The following FHOD1 variants were observed in gnomAD, a reference collection of about 807,000 sequenced individuals.
FHOD1 encodes formin homology 2 domain containing 1, also known as FH1/FH2 domain-containing protein 1.
In FHOD1, 89 loss-of-function variants were observed where a neutral mutation model predicts 111.6. The ratio of observed to expected loss-of-function variants is 0.80; its 90% CI spans 0.67 to 0.95. FHOD1 has a LOEUF of 0.95. Among genes scored for constraint, FHOD1 ranks in the 40% least tolerant of loss-of-function variants. The pLI, the probability that FHOD1 is intolerant of heterozygous loss-of-function variation, is 0.00. For missense variants in FHOD1, 1,446 were observed against 1,554.2 expected (o/e 0.93, Z 1.17); for synonymous variants, 618 against 639.0 (o/e 0.97, Z 0.50).
At position 67,229,945 on chromosome 16, in the gene FHOD1, G is replaced by C; in HGVS notation, c.3260C>G (p.Ser1087Cys). The change falls in exon 21 of 22, where the codon TCC (serine) becomes TGC (cysteine). Residue 1087 changes from serine (S) to cysteine (C), a missense_variant. Around this residue, in one of 3 missense-constraint regions of FHOD1, gnomAD observed 1,085 missense variants for 1,108.8 expected, o/e 0.98. Transcript: ENST00000258201. ...SSPIMPTVGPSTASPEEPPGS... is the reference protein window; with the variant it reads ...SSPIMPTVGPCTASPEEPPGS... ...TGGGGGTTCTTCTGGGGATGCAGTG[G>C]AGGGCCCCACTGTGGGCATGATTGG... 2 of 1,614,210 alleles carry C rather than the reference G, an allele frequency of 1.2e-6. No homozygotes were observed. Among genetic ancestry groups the C allele is most frequent in the Non-Finnish European group, 1.7e-6 (2 of 1,180,040 alleles).
At chr16:67,234,644 C>G in intron 11 of FHOD1, 172 bp from the exon 12 acceptor site, 2 of 578,174 alleles carry the variant, frequency 3.5e-6, no homozygotes, top group Non-Finnish European at 6.2e-6. Flanking sequence ...AGCCCCTCTT[C>G]AGTCCTCCAC....
intron 1 of FHOD1, among the ~76,000 whole-genome samples, chr16:67,241,034 T>G (rs937210030): frequency 2.0e-5 from 3 of 151,246 alleles, no homozygotes; most frequent in Non-Finnish European, 2.9e-5. Flanking sequence ...AACCCCTACC[T>G]CTGTTTAGCA....
At position 67,231,679 on chromosome 16, in the gene FHOD1, T is replaced by C; in HGVS notation, c.2343A>G (p.Leu781=). Residue 781 remains leucine (L), a synonymous_variant, in exon 15 of 22, where the codon CTA becomes CTG. Coordinates refer to ENST00000258201, the MANE Select transcript of FHOD1 (RefSeq NM_013241.3). This position sits in a 1 kb window ranked among gnomAD's most constrained non-coding sequence, Gnocchi z 4.3. ...LASIGGLAAR[L]QLWAFKLDYD... ...AGTCCAGCTTGAAGGCCCAGAGTTGTAGACGAGCAGCGAGGCCGCCAATGG... is the reference window on the plus strand; with the variant it reads ...AGTCCAGCTTGAAGGCCCAGAGTTGCAGACGAGCAGCGAGGCCGCCAATGG... The C allele has an allele frequency of 6.2e-7, 1 of 1,614,160 alleles. No individual in the cohort carries two copies. The highest frequency in any genetic ancestry group is 8.5e-7 in the Non-Finnish European group (1 of 1,180,036).
chr16:67,231,125 A>G lies in FHOD1; in HGVS notation c.2667+63T>C. 5.0e-6 allele frequency: 8 copies of G among 1,584,206 alleles called. No individual in the cohort carries two copies. In the South Asian group the frequency reaches 9.2e-5, roughly 18 times the overall value. The stretch of plus-strand genomic sequence containing the variant: ...CAAATGGGGAGAAGGGGGAGGAGCC[A>G]GGCCCAGGAAGCAGCGCTCCTCATG... On this transcript the variant is annotated intron_variant, in intron 17 of 21. Coordinates refer to ENST00000258201, the MANE Select transcript of FHOD1 (RefSeq NM_013241.3). The surrounding 1 kb of genome is among the most constrained non-coding windows in gnomAD (Gnocchi z 4.3).
At chr16:67,236,929 G>A (rs1366293603) in intron 10 of FHOD1, 37 bp downstream of exon 10, 1 of 1,444,104 alleles carries the variant, frequency 6.9e-7, no homozygotes, top group East Asian at 2.3e-5. Context: ...ATGCCTAGTA[G>A]ATCCACCCTT....
At chr16:67,246,413 G>A (rs1358723402) in intron 1 of FHOD1, among the ~76,000 whole-genome samples, 1 of 152,208 alleles carries the variant, frequency 6.6e-6, no homozygotes, top group Non-Finnish European at 1.5e-5. Flanking sequence ...CGGCGAGAGG[G>A]AGGGGAGAGG....
chr16:67,243,461 G>T (rs2034723506), intron 1 of FHOD1, among the ~76,000 whole-genome samples: 1 of 151,824 alleles, frequency 6.6e-6, no homozygotes, highest in Admixed American at 6.6e-5. Flanking sequence ...CAATCCTCTG[G>T]CCTTGGCTTC....
Position 67,230,145 on chromosome 16 carries a change from TC to T in FHOD1, c.3134del (p.Gly1045GlufsTer9), listed in dbSNP as rs1306054547. 1.2e-6 allele frequency: 2 copies of T among 1,614,128 alleles called. No individual in the cohort carries two copies. The highest frequency in any genetic ancestry group is 1.7e-6 in the Non-Finnish European group (2 of 1,180,008). On this transcript the variant is annotated frameshift_variant, in exon 20 of 22. Coordinates refer to ENST00000258201, the MANE Select transcript of FHOD1 (RefSeq NM_013241.3). LOFTEE classifies it high-confidence loss of function. Reference protein sequence around the residue: ...PVAVSSGPGRGDADSHASMKS... With the variant: ...PVAVSSGPGRXDADSHASMKS... The stretch of plus-strand genomic sequence containing the variant: ...TCATACTAGCATGACTGTCAGCATC[TC>T]CCCGGCCTGGCCCGCTGCTCACTGC...
rs201948827 is a variant in FHOD1, at chr16:67,237,145, T to C, written c.994-31A>G. ...AGAGGCGGACCAGGATGTAAGAAAG[T>C]GGTTAACGTGTATGCAGGTGGGGTG... is the stretch of plus-strand genomic sequence containing the variant. On this transcript the variant is annotated intron_variant, in intron 9 of 21. Transcript: ENST00000258201. This position sits in a 1 kb window ranked among gnomAD's most constrained non-coding sequence, Gnocchi z 5.6. 2.5e-5 allele frequency: 40 copies of C among 1,601,664 alleles called. No homozygotes were observed. The highest frequency in any genetic ancestry group is 3.4e-5 in the Non-Finnish European group (40 of 1,172,848).
In FHOD1 at chr16:67,237,531, C is replaced by T. The variant is rs1489102072; in HGVS notation, c.793G>A (p.Glu265Lys). ...AACTCAGGGTCAGCGCCATTCTTCT[C>T]CTCCAGGATGGACACCAGATTGGCC... is the stretch of plus-strand genomic sequence containing the variant. Reference protein sequence around the residue: ...PWANLVSILEEKNGADPELLV... With the variant: ...PWANLVSILEKKNGADPELLV... Residue 265 changes from glutamate (E) to lysine (K), a missense_variant, in exon 8 of 22, where the codon GAG becomes AAG. Around this residue, in one of 3 missense-constraint regions of FHOD1, gnomAD observed 234 missense variants for 327.4 expected, o/e 0.71. Transcript: ENST00000258201. This position sits in a 1 kb window ranked among gnomAD's most constrained non-coding sequence, Gnocchi z 5.6. 3 of 1,614,166 alleles carry T rather than the reference C, an allele frequency of 1.9e-6. No individual in the cohort carries two copies. Among genetic ancestry groups the T allele is most frequent in the Non-Finnish European group, 1.7e-6 (2 of 1,180,030 alleles).
Position 67,231,751 on chromosome 16 carries a change from A to G in FHOD1, c.2271T>C (p.Pro757=). 1 of 1,613,914 alleles carries G rather than the reference A, an allele frequency of 6.2e-7. No homozygotes were observed. The highest frequency in any genetic ancestry group is 2.2e-5 in the East Asian group (1 of 44,856). Residue 757 remains proline (P), a synonymous_variant, in exon 15 of 22, where the codon CCT becomes CCC. Coordinates refer to ENST00000258201, the MANE Select transcript of FHOD1 (RefSeq NM_013241.3). This position sits in a 1 kb window ranked among gnomAD's most constrained non-coding sequence, Gnocchi z 4.3. ...TCTCGGCTGGGCCCAGGGGTATGTC[A>G]GGGTTGGCCAGCTGGGCTTCCTCAA... ...QKIEEAQLAN[P]DIPLGPAENF...
In FHOD1 at chr16:67,231,316, CCTT is replaced by C. The variant is rs1387389175; in HGVS notation, c.2536_2538del (p.Lys846del). 5.6e-6 allele frequency: 9 copies of C among 1,614,058 alleles called. No homozygotes were observed. The highest frequency in any genetic ancestry group is 2.2e-5 in the South Asian group (2 of 91,090). Reference sequence around the variant, plus strand: ...CGCACCGTGTCCTTCACCTCTGACACCTTCTCCAGGTAGCTCAGCTCAAAGCCG... The same window carrying C: ...CGCACCGTGTCCTTCACCTCTGACACCTCCAGGTAGCTCAGCTCAAAGCCG... On this transcript the variant is annotated inframe_deletion, in exon 17 of 22. Coordinates refer to ENST00000258201, the MANE Select transcript of FHOD1 (RefSeq NM_013241.3). The surrounding 1 kb of genome is among the most constrained non-coding windows in gnomAD (Gnocchi z 4.3).
intron 17 of FHOD1, 52 bp from the exon 18 acceptor site, chr16:67,230,843 A>T: frequency 6.6e-7 from 1 of 1,521,552 alleles, no homozygotes; most frequent in South Asian, 1.3e-5. Context: ...TGTAGACAAG[A>T]CATGGCCCGA....
Position 67,238,849 on chromosome 16 carries a change from A to C in FHOD1, c.373+54T>G. The C allele has an allele frequency of 6.4e-7, 1 of 1,574,382 alleles. No individual in the cohort carries two copies. Among genetic ancestry groups the C allele is most frequent in the Non-Finnish European group, 8.7e-7 (1 of 1,143,724 alleles). ...TTCAGCACAGGCCTGAAGGTGAGCC[A>C]ACTGGGCTATGGGGAGGAGGTGCTG... On this transcript the variant is annotated intron_variant, in intron 3 of 21. Coordinates refer to ENST00000258201, the MANE Select transcript of FHOD1 (RefSeq NM_013241.3). This position sits in a 1 kb window ranked among gnomAD's most constrained non-coding sequence, Gnocchi z 4.2.
At position 67,232,115 on chromosome 16, in the gene FHOD1, G is replaced by A; in HGVS notation, c.2126C>T (p.Thr709Ile). 2 of 1,614,238 alleles carry A rather than the reference G, an allele frequency of 1.2e-6. No homozygotes were observed. The highest frequency in any genetic ancestry group is 1.7e-6 in the Non-Finnish European group (2 of 1,180,036). ...CTTAATGACATGCACAGGTGGCAGT[G>A]TGGTTAGGCCGATGTTGATGGCGTT... ...RSNAINIGLT[T>I]LPPVHVIKAA... Residue 709 changes from threonine (T) to isoleucine (I), a missense_variant, in exon 14 of 22, where the codon ACA becomes ATA. Thr to Ile is a moderately conservative substitution (Grantham distance 89). This residue lies in a region of FHOD1 where 1,085 missense variants were observed against 1,108.8 expected (regional missense o/e 0.98). Coordinates refer to ENST00000258201, the MANE Select transcript of FHOD1 (RefSeq NM_013241.3).
rs767789852 is a variant in FHOD1, at chr16:67,231,697, G to A, written c.2325C>T (p.Gly775=). 1.6e-4 allele frequency: 263 copies of A among 1,614,034 alleles called. No homozygotes were observed. Among genetic ancestry groups the A allele is most frequent in the Non-Finnish European group, 2.0e-4 (233 of 1,180,036 alleles). Residue 775 remains glycine (G), a synonymous_variant, in exon 15 of 22, where the codon GGC becomes GGT. Transcript: ENST00000258201. This position sits in a 1 kb window ranked among gnomAD's most constrained non-coding sequence, Gnocchi z 4.3. ...ENFLMTLASI[G]GLAARLQLWA... The stretch of plus-strand genomic sequence containing the variant: ...AGAGTTGTAGACGAGCAGCGAGGCC[G>A]CCAATGGAGGCAAGAGTCATCAGGA...
chr16:67,231,040 T>C lies in FHOD1; in HGVS notation c.2667+148A>G. The C allele has an allele frequency of 9.2e-7, 1 of 1,087,386 alleles. No homozygotes were observed. The highest frequency in any genetic ancestry group is 1.3e-6 in the Non-Finnish European group (1 of 765,048). 67.4% of individuals were successfully genotyped at this position (1,087,386 alleles called of 1,614,324 possible). The stretch of plus-strand genomic sequence containing the variant: ...GGCCAGGCCAATAGAGGAAAGAGCA[T>C]TTCTGGCAGAGGGCATAGCTCACAC... On this transcript the variant is annotated intron_variant, in intron 17 of 21. Transcript: ENST00000258201. This position sits in a 1 kb window ranked among gnomAD's most constrained non-coding sequence, Gnocchi z 4.3.
At chr16:67,244,271 C>T (rs1036420456) in intron 1 of FHOD1, among the ~76,000 whole-genome samples, 9 of 152,096 alleles carry the variant, frequency 5.9e-5, no homozygotes, top group African/African-American at 2.2e-4. Flanking sequence ...ATCGGAGAGG[C>T]TCCTGAGACA....
At chr16:67,236,095 G>A (rs147330708) in intron 11 of FHOD1, 35,042 of 932,352 alleles carry the variant, frequency 0.038, 752 homozygotes, top group Middle Eastern at 0.086. Context: ...GAGAGGAAGA[G>A]ATGGTAACTG....
Sources: allele counts gnomAD v4.1 joint callset (sites outside exome capture counted in the v4.1 genomes callset), GRCh38; gene constraint gnomAD v4.1.1; regional missense constraint gnomAD v4.1.1; non-coding constraint Gnocchi (gnomAD v3.1); transcripts MANE v1.5; gene names NCBI Gene and HGNC (gene_info 2026-07-23, HGNC 2026-07-21).